Variants in VEGFC observed in about 807,000 individuals in gnomAD.
The protein encoded by VEGFC is FLT4 ligand DHM.
In VEGFC, 12 loss-of-function variants were observed where a neutral mutation model predicts 46.1. That is an observed-to-expected ratio of 0.26 (90% CI 0.17 to 0.42). The LOEUF (loss-of-function observed/expected upper bound fraction) is 0.42. Ranked by LOEUF, VEGFC falls within the 10% of genes least tolerant of loss-of-function variation. The pLI, the probability that VEGFC is intolerant of heterozygous loss-of-function variation, is 1.00. For synonymous variants in VEGFC, 232 were observed against 195.5 expected (o/e 1.19, Z -1.56); for missense variants, 488 against 529.4 (o/e 0.92, Z 0.77).
chr4:176,750,205 A>G (rs1735319195), intron 1 of VEGFC, among the ~76,000 whole-genome samples: 1 of 151,816 alleles, frequency 6.6e-6, no homozygotes, highest in Non-Finnish European at 1.5e-5. Context: ...CTCTGAAACT[A>G]AATGTAAAGC....
At chr4:176,777,933 A>G (rs1735842504) in intron 1 of VEGFC, among the ~76,000 whole-genome samples, 1 of 150,792 alleles carries the variant, frequency 6.6e-6, no homozygotes, top group Non-Finnish European at 1.5e-5. Context: ...AAAAAAAAAA[A>G]AAAAAAAAAA....
At chr4:176,690,351 G>A (rs1449073855) in intron 4 of VEGFC, among the ~76,000 whole-genome samples, 1 of 149,958 alleles carries the variant, frequency 6.7e-6, no homozygotes, top group African/African-American at 2.5e-5. Flanking sequence ...TGGCTTTTTG[G>A]TTTATGTTTT....
At position 176,742,499 on chromosome 4, in the gene VEGFC, C is replaced by A. The variant is rs542333411; in HGVS notation, c.148-12753G>T. On this transcript the variant is annotated intron_variant, in intron 1 of 6. Transcript: ENST00000618562. ...TCAAACTGTAGTTCTATTTTTAGTT[C>A]TTTGAGAAATTTTCATATTGTTTTC... Among the ~76,000 whole-genome samples the A allele has an allele frequency of 2.5e-4, 38 of 151,854 alleles. 1 individual carries two copies. The highest frequency in any genetic ancestry group is 4.9e-4 in the Non-Finnish European group (33 of 67,910).
chr4:176,740,030 C>A (rs1305809406), intron 1 of VEGFC, among the ~76,000 whole-genome samples: 300 of 15,986 alleles, frequency 0.019, 5 homozygotes, highest in African/African-American at 0.035. Flanking sequence ...TTCGATATAT[C>A]GAATATATAT....
intron 6 of VEGFC, among the ~76,000 whole-genome samples, chr4:176,686,547 G>A (rs1734045439): frequency 6.6e-6 from 1 of 152,186 alleles, no homozygotes; most frequent in African/African-American, 2.4e-5. Flanking sequence ...AATGTCAAAC[G>A]GACAGGTCTG....
chr4:176,767,816 G>A (rs1486565395), intron 1 of VEGFC, among the ~76,000 whole-genome samples: 1 of 152,124 alleles, frequency 6.6e-6, no homozygotes, highest in Non-Finnish European at 1.5e-5. Flanking sequence ...CTGCTCAGTT[G>A]AGAATACACT....
chr4:176,792,904 G>A lies in VEGFC; in HGVS notation c.-593C>T, dbSNP rs1287482545. 6.7e-6 allele frequency among the ~76,000 whole-genome samples: 1 copy of A among 150,106 alleles called. No homozygotes were observed. The highest frequency in any genetic ancestry group is 2.4e-5 in the African/African-American group (1 of 41,252). ...GCTGAGCGGCGGCGGCGGCGGCGGC[G>A]GGCGCAGGGGCAGGGCATGACTGAC... On this transcript the variant is annotated 5_prime_UTR_variant, in exon 1 of 7. Transcript: ENST00000618562. This position sits in a 1 kb window ranked among gnomAD's most constrained non-coding sequence, Gnocchi z 6.3.
At chr4:176,719,651 A>G (rs1424975014) in intron 3 of VEGFC, among the ~76,000 whole-genome samples, 1 of 152,174 alleles carries the variant, frequency 6.6e-6, no homozygotes, top group Non-Finnish European at 1.5e-5. Context: ...TTAGTTCCAT[A>G]GGGCAGGATC....
At chr4:176,744,817 C>T (rs80220941) in intron 1 of VEGFC, among the ~76,000 whole-genome samples, 1 of 151,896 alleles carries the variant, frequency 6.6e-6, no homozygotes. Context: ...AAAAGGTATG[C>T]AGCCAGTAAG....
intron 1 of VEGFC, among the ~76,000 whole-genome samples, chr4:176,763,369 G>GCTA (rs1483887634): frequency 9.3e-5 from 3 of 32,384 alleles, no homozygotes; most frequent in Non-Finnish European, 8.5e-5. Flanking sequence ...AAAAACTATA[G>GCTA]TTAACATGAA....
chr4:176,719,086 T>C (rs1242577076), intron 3 of VEGFC, among the ~76,000 whole-genome samples: 1 of 152,172 alleles, frequency 6.6e-6, no homozygotes, highest in Non-Finnish European at 1.5e-5. Flanking sequence ...GCACAGTGCA[T>C]ATGCTTTTAC....
intron 4 of VEGFC, among the ~76,000 whole-genome samples, chr4:176,707,614 G>A (rs1166002266): frequency 2.0e-5 from 3 of 152,096 alleles, no homozygotes; most frequent in Admixed American, 6.6e-5. Flanking sequence ...ATGAGGCCTG[G>A]ATGGGGCTAA....
chr4:176,690,579 T>C (rs1216251436), intron 4 of VEGFC, among the ~76,000 whole-genome samples: 1 of 152,080 alleles, frequency 6.6e-6, no homozygotes, highest in Admixed American at 6.6e-5. Flanking sequence ...GAACATATAT[T>C]GTTCTAGATA....
At position 176,792,208 on chromosome 4, in the gene VEGFC, C is replaced by A. The variant is rs760163166; in HGVS notation, c.104G>T (p.Gly35Val). 4 of 1,559,694 alleles carry A rather than the reference C, an allele frequency of 2.6e-6. No homozygotes were observed. In the South Asian group the frequency reaches 3.5e-5, roughly 14 times the overall value. ...APAAAAAFESGLDLSDAEPDA... is the reference protein window; with the variant it reads ...APAAAAAFESVLDLSDAEPDA... ...GGGCTCCGCGTCCGAGAGGTCGAGT[C>A]CGGACTCGAAGGCGGCGGCGGCGGC... is the stretch of plus-strand genomic sequence containing the variant. The change falls in exon 1 of 7, where the codon GGA becomes GTA. Residue 35 changes from glycine to valine, a missense_variant. Coordinates refer to ENST00000618562, the MANE Select transcript of VEGFC (RefSeq NM_005429.5). The surrounding 1 kb of genome is among the most constrained non-coding windows in gnomAD (Gnocchi z 6.3).
chr4:176,781,719 G>A (rs985663112), intron 1 of VEGFC, among the ~76,000 whole-genome samples: 6 of 152,048 alleles, frequency 3.9e-5, no homozygotes, highest in Non-Finnish European at 4.4e-5. Flanking sequence ...GACCTGGAGG[G>A]GCTCATTTAA....
intron 1 of VEGFC, among the ~76,000 whole-genome samples, chr4:176,786,950 G>T (rs1266920611): frequency 6.6e-6 from 1 of 152,088 alleles, no homozygotes; most frequent in Non-Finnish European, 1.5e-5. Context: ...CCTGGAGACT[G>T]CAAGAGTCTC....
intron 1 of VEGFC, among the ~76,000 whole-genome samples, chr4:176,744,419 T>C (rs1305778024): frequency 3.9e-5 from 6 of 152,038 alleles, no homozygotes; most frequent in Admixed American, 3.9e-4. Context: ...TTCTGAAATA[T>C]CAAGGTTCTT....
intron 1 of VEGFC, among the ~76,000 whole-genome samples, chr4:176,731,734 C>T (rs1346565625): frequency 6.6e-6 from 1 of 151,812 alleles, no homozygotes; most frequent in Non-Finnish European, 1.5e-5. Flanking sequence ...AGAGGAGCTG[C>T]AATACAACAT....
chr4:176,700,864 A>C (rs1236350757), intron 4 of VEGFC, among the ~76,000 whole-genome samples: 1 of 152,044 alleles, frequency 6.6e-6, no homozygotes, highest in Non-Finnish European at 1.5e-5. Context: ...AACAAAAACA[A>C]AACAATGATG....
Sources: allele counts gnomAD v4.1 joint callset (sites outside exome capture counted in the v4.1 genomes callset), GRCh38; gene constraint gnomAD v4.1.1; non-coding constraint Gnocchi (gnomAD v3.1); transcripts MANE v1.5; gene names NCBI Gene and HGNC (gene_info 2026-07-23, HGNC 2026-07-21).